CADPS: variants seen among roughly 807,000 people sequenced by gnomAD.
CADPS encodes calcium-dependent secretion activator 1.
A neutral mutation model predicts 167.3 loss-of-function variants in CADPS; 57 were observed. The ratio of observed to expected loss-of-function variants is 0.34; its 90% CI spans 0.28 to 0.42. The LOEUF (loss-of-function observed/expected upper bound fraction) is 0.42, where lower values mean the gene tolerates loss of function less well. Among genes scored for constraint, CADPS ranks in the 20% least tolerant of loss-of-function variants. The probability of loss-of-function intolerance (pLI) is 1.00; values close to 1 mark genes in which losing one functional copy is unlikely to be tolerated. For synonymous variants in CADPS, 676 were observed against 635.3 expected (o/e 1.06, Z -0.96); for missense variants, 1,414 against 1,738.1 (o/e 0.81, Z 3.32).
At chr3:62,587,265 T>C (rs947875810) in intron 7 of CADPS, among the ~76,000 whole-genome samples, 2 of 152,194 alleles carry the variant, frequency 1.3e-5, no homozygotes, top group African/African-American at 4.8e-5. Context: ...TAAATTCACT[T>C]AACTGGCACC....
In CADPS at chr3:62,599,552, TA is replaced by T. The variant is rs1240562631; in HGVS notation, c.1326-6805del. 9.5e-5 allele frequency among the ~76,000 whole-genome samples: 9 copies of T among 95,164 alleles called. No individual in the cohort carries two copies. The East Asian group carries it at 2.0e-3, about 21-fold the overall frequency. The allele number at this position is 95,164 out of a possible 152,430, so 62.4% of individuals were successfully genotyped here. A position where few individuals can be genotyped will look rare whatever the true frequency, so the allele number is the denominator to read the frequency against. On this transcript the variant is annotated intron_variant, in intron 6 of 29. Transcript: ENST00000383710. ...TATATTATATATATTATATATAATA[TA>T]AATTATATAATTATATAAATTATAC...
chr3:62,710,358 T>G (rs2083160460), intron 3 of CADPS, among the ~76,000 whole-genome samples: 1 of 151,844 alleles, frequency 6.6e-6, no homozygotes, highest in Admixed American at 6.6e-5. Flanking sequence ...TCTTCAGAGG[T>G]GGGGCCAGAA....
In CADPS at chr3:62,728,812, G is replaced by A. The variant is rs568135660; in HGVS notation, c.888+24629C>T. The stretch of plus-strand genomic sequence containing the variant: ...AATATTGTAAGCTTGACTTGGGGGC[G>A]GCGGAAAACTAGAAAGAGATGAGCA... On this transcript the variant is annotated intron_variant, in intron 3 of 29. Transcript: ENST00000383710. Among the ~76,000 whole-genome samples, 149 of 151,780 alleles carry A rather than the reference G, an allele frequency of 9.8e-4. 3 individuals carry two copies. Among genetic ancestry groups the A allele is most frequent in the African/African-American group, 2.5e-3 (102 of 41,154 alleles).
In CADPS at chr3:62,456,234, G is replaced by A. The variant is rs368982401; in HGVS notation, c.3636+9133C>T. ...TCAATACACCTTCCTGATTTTGGCT[G>A]CAACCCATGAACCATCTGTATTATA... On this transcript the variant is annotated intron_variant, in intron 26 of 29. Coordinates refer to ENST00000383710, the MANE Select transcript of CADPS (RefSeq NM_003716.4). Among the ~76,000 whole-genome samples the A allele has an allele frequency of 2.0e-5, 3 of 152,240 alleles. No individual in the cohort carries two copies. In the East Asian group the frequency reaches 5.8e-4, roughly 29 times the overall value.
chr3:62,846,759 G>GT (rs1273832374), intron 1 of CADPS, among the ~76,000 whole-genome samples: 3 of 152,092 alleles, frequency 2.0e-5, no homozygotes, highest in African/African-American at 7.2e-5. Context: ...CACCTCCAGA[G>GT]TTCGAGCAAT....
chr3:62,436,346 T>A (rs889741387), intron 28 of CADPS, among the ~76,000 whole-genome samples: 2 of 151,928 alleles, frequency 1.3e-5, no homozygotes, highest in Non-Finnish European at 1.5e-5. Context: ...ACGGGCCACA[T>A]AAAACTGAGA....
At chr3:62,712,133 A>AT (rs1266637151) in intron 3 of CADPS, among the ~76,000 whole-genome samples, 6 of 152,176 alleles carry the variant, frequency 3.9e-5, no homozygotes, top group African/African-American at 7.2e-5. Flanking sequence ...ATTGTTTTAA[A>AT]TTTTTTTGCT....
At chr3:62,522,641 A>G (rs2070977202) in intron 13 of CADPS, among the ~76,000 whole-genome samples, 1 of 152,204 alleles carries the variant, frequency 6.6e-6, no homozygotes, top group Admixed American at 6.5e-5. Flanking sequence ...TGAACTCGAT[A>G]TAAGTTCATA....
intron 1 of CADPS, among the ~76,000 whole-genome samples, chr3:62,767,534 T>C (rs2087237113): frequency 6.6e-6 from 1 of 152,112 alleles, no homozygotes; most frequent in Non-Finnish European, 1.5e-5. Flanking sequence ...GAAAATAAAG[T>C]TTAAAGCTTT....
Position 62,623,190 on chromosome 3 carries a change from G to A in CADPS, c.1325+22532C>T, listed in dbSNP as rs111576041. On this transcript the variant is annotated intron_variant, in intron 6 of 29. Transcript: ENST00000383710. ...TAAGTCCCACATGTGAGGTGAAGATGGGCTCCTGGGTTTACATCTAGCCCC... is the reference window on the plus strand; with the variant it reads ...TAAGTCCCACATGTGAGGTGAAGATAGGCTCCTGGGTTTACATCTAGCCCC... Among the ~76,000 whole-genome samples the A allele has an allele frequency of 2.1e-4, 32 of 152,214 alleles. 1 individual carries two copies. Among genetic ancestry groups the A allele is most frequent in the African/African-American group, 7.7e-4 (32 of 41,546 alleles).
At chr3:62,593,918 G>GTTCTTTTTTTTTTTTTTTTTTTTTTTT (rs1553961467) in intron 6 of CADPS, among the ~76,000 whole-genome samples, 1 of 152,140 alleles carries the variant, frequency 6.6e-6, no homozygotes, top group Non-Finnish European at 1.5e-5. Context: ...CAGGGACTGT[G>GTTCTTTTTTTTTTTTTTTTTTTTTTTT]TTTTTATGTT....
chr3:62,475,169 G>A (rs916256234), intron 23 of CADPS, among the ~76,000 whole-genome samples: 2 of 152,190 alleles, frequency 1.3e-5, no homozygotes, highest in Admixed American at 6.5e-5. Context: ...TCTCAGCAAT[G>A]TGCTAACAAC....
intron 13 of CADPS, among the ~76,000 whole-genome samples, chr3:62,520,135 A>G (rs1178906664): frequency 6.6e-6 from 1 of 152,226 alleles, no homozygotes; most frequent in African/African-American, 2.4e-5. Flanking sequence ...GATCACAGCA[A>G]AAAGTATGGA....
chr3:62,662,017 C>A (rs962915707), intron 4 of CADPS, among the ~76,000 whole-genome samples: 2 of 152,206 alleles, frequency 1.3e-5, no homozygotes, highest in South Asian at 4.2e-4. Context: ...ACCTGAAATG[C>A]CAGGAAAATG....
chr3:62,810,304 T>C (rs1188954434), intron 1 of CADPS, among the ~76,000 whole-genome samples: 1 of 152,170 alleles, frequency 6.6e-6, no homozygotes, highest in Non-Finnish European at 1.5e-5. Context: ...TATGGCCAAA[T>C]AAATGAGCAA....
At chr3:62,760,878 G>A (rs1436345690) in intron 2 of CADPS, among the ~76,000 whole-genome samples, 1 of 152,180 alleles carries the variant, frequency 6.6e-6, no homozygotes, top group Non-Finnish European at 1.5e-5. Flanking sequence ...TTCCTCTTCT[G>A]ATAATAGTAC....
chr3:62,847,428 CT>C (rs1396746763), intron 1 of CADPS, among the ~76,000 whole-genome samples: 944 of 30,304 alleles, frequency 0.031, 21 homozygotes, highest in African/African-American at 0.084. Context: ...TCCCTCCCCC[CT>C]CCCCCCACCC....
At chr3:62,834,353 A>G (rs1411228606) in intron 1 of CADPS, among the ~76,000 whole-genome samples, 3 of 152,098 alleles carry the variant, frequency 2.0e-5, no homozygotes, top group Non-Finnish European at 2.9e-5. Context: ...TTCATTTCCA[A>G]CTAGATGGGG....
chr3:62,423,568 C>T (rs911973168), intron 28 of CADPS, among the ~76,000 whole-genome samples: 3 of 152,318 alleles, frequency 2.0e-5, no homozygotes, highest in South Asian at 4.1e-4. Flanking sequence ...CATGGCTATT[C>T]TTGTGGTCAG....
Sources: allele counts gnomAD v4.1 joint callset (sites outside exome capture counted in the v4.1 genomes callset), GRCh38; gene constraint gnomAD v4.1.1; transcripts MANE v1.5; gene names NCBI Gene and HGNC (gene_info 2026-07-23, HGNC 2026-07-21).